The following CCND2 variants were observed in gnomAD, a reference collection of about 807,000 sequenced individuals.
CCND2 encodes cyclin D2.
A neutral mutation model predicts 30.2 loss-of-function variants in CCND2; 6 were observed. The ratio of observed to expected loss-of-function variants is 0.20; its 90% confidence interval spans 0.11 to 0.39. The LOEUF (loss-of-function observed/expected upper bound fraction) is 0.39. Among genes scored for constraint, CCND2 ranks in the 10% least tolerant of loss-of-function variants. The pLI, the probability that CCND2 is intolerant of heterozygous loss-of-function variation, is 1.00. For synonymous variants in CCND2, 150 were observed against 153.1 expected (o/e 0.98, Z 0.15); for missense variants, 235 against 373.4 (o/e 0.63, Z 3.06).
chr12:4,296,323 C>T (rs1279444259), intron 4 of CCND2, among the ~76,000 whole-genome samples: 1 of 152,214 alleles, frequency 6.6e-6, no homozygotes, highest in Non-Finnish European at 1.5e-5. Flanking sequence ...GAGAGCAAGG[C>T]AGGATCGGCC....
In CCND2 at chr12:4,274,204, T is replaced by G; in HGVS notation, c.164T>G (p.Met55Arg). 1 of 1,613,972 alleles carries G rather than the reference T, an allele frequency of 6.2e-7. No individual in the cohort carries two copies. Among genetic ancestry groups the G allele is most frequent in the Non-Finnish European group, 8.5e-7 (1 of 1,179,912 alleles). ...GTGCAGAAGGACATCCAACCCTACATGCGCAGAATGGTGGCCACCTGGATG... is the reference window on the plus strand; with the variant it reads ...GTGCAGAAGGACATCCAACCCTACAGGCGCAGAATGGTGGCCACCTGGATG... The part of the protein sequence containing the change: ...KCVQKDIQPY[M>R]RRMVATWMLE... The change falls in exon 1 of 5, where the codon ATG becomes AGG. Residue 55 changes from methionine (M) to arginine (R), a missense_variant. Coordinates refer to ENST00000261254, the MANE Select transcript of CCND2 (RefSeq NM_001759.4). The surrounding 1 kb of genome is among the most constrained non-coding windows in gnomAD (Gnocchi z 7.7).
intron 2 of CCND2, 85 bp from the exon 3 acceptor site, chr12:4,278,675 G>A (rs1863905994): frequency 6.9e-7 from 1 of 1,441,338 alleles, no homozygotes; most frequent in Non-Finnish European, 9.6e-7. Flanking sequence ...CTTAAAACTG[G>A]TCTGGAGCCC....
chr12:4,274,378 G>T lies in CCND2; in HGVS notation c.195+143G>T. 1.2e-6 allele frequency: 1 copy of T among 813,884 alleles called. No individual in the cohort carries two copies. Among genetic ancestry groups the T allele is most frequent in the East Asian group, 2.6e-5 (1 of 39,048 alleles). The allele number at this position is 813,884 out of a possible 1,614,324, so 50.4% of individuals were successfully genotyped here. On this transcript the variant is annotated intron_variant, in intron 1 of 4. Coordinates refer to ENST00000261254, the MANE Select transcript of CCND2 (RefSeq NM_001759.4). This position sits in a 1 kb window ranked among gnomAD's most constrained non-coding sequence, Gnocchi z 7.7. ...GGGAGTTTACCGCGCGCCTTCTGGC[G>T]AGACGCGTGGCTTTATTTCTGTTCC...
chr12:4,280,564 T>C (rs1320005512), intron 3 of CCND2, among the ~76,000 whole-genome samples: 1 of 152,112 alleles, frequency 6.6e-6, no homozygotes, highest in Non-Finnish European at 1.5e-5. Flanking sequence ...TTTTGGATAG[T>C]GGTCACTCTG....
In CCND2 at chr12:4,302,685, T is replaced by C. The variant is rs3217929; in HGVS notation, c.*2676T>C. 1,537 of 233,122 alleles carry C rather than the reference T, an allele frequency of 6.6e-3. 64 individuals are homozygous for C. The East Asian group carries it at 0.085, about 13-fold the overall frequency. 14.4% of individuals were successfully genotyped at this position (233,122 alleles called of 1,614,324 possible). A position where few individuals can be genotyped will look rare whatever the true frequency, so the allele number is the denominator to read the frequency against. On this transcript the variant is annotated 3_prime_UTR_variant, in exon 5 of 5. Coordinates refer to ENST00000261254, the MANE Select transcript of CCND2 (RefSeq NM_001759.4). ...TTTCAATCACACTGAATTGGCAGGA[T>C]AAGAAAAATAGGTCAGATAAGTATG...
rs141559605 is a variant in CCND2 at position 4,289,137 on chromosome 12, G to C, written c.720+147G>C. ...TCCAAGGGAGTGCAAAGTTCAGCAG[G>C]TGACACCCCCTCTTAAGGTTCTGAA... On this transcript the variant is annotated intron_variant, in intron 4 of 4. Transcript: ENST00000261254. 164 of 540,224 alleles carry C rather than the reference G, an allele frequency of 3.0e-4. 1 individual carries two copies. Among genetic ancestry groups the C allele is most frequent in the African/African-American group, 2.8e-3 (138 of 49,164 alleles). The allele number at this position is 540,224 out of a possible 1,614,324, so 33.5% of individuals were successfully genotyped here. A position where few individuals can be genotyped will look rare whatever the true frequency, so the allele number is the denominator to read the frequency against.
intron 4 of CCND2, among the ~76,000 whole-genome samples, chr12:4,289,356 C>T (rs1026309163): frequency 1.3e-5 from 2 of 152,106 alleles, no homozygotes; most frequent in African/African-American, 4.8e-5. Flanking sequence ...TCTGCTTTCA[C>T]ACGCTGAGGC....
chr12:4,295,853 A>T (rs962673999), intron 4 of CCND2, among the ~76,000 whole-genome samples: 1 of 152,230 alleles, frequency 6.6e-6, no homozygotes, highest in Non-Finnish European at 1.5e-5. Context: ...AAGAGAGAGT[A>T]TGCAGTTTTG....
intron 4 of CCND2, among the ~76,000 whole-genome samples, chr12:4,296,816 A>G (rs1371493909): frequency 6.6e-6 from 1 of 151,614 alleles, no homozygotes; most frequent in Non-Finnish European, 1.5e-5. Flanking sequence ...TCTTTGCAAG[A>G]AAAAAAACAA....
intron 4 of CCND2, among the ~76,000 whole-genome samples, chr12:4,294,995 C>T (rs948508876): frequency 2.6e-5 from 4 of 152,286 alleles, no homozygotes; most frequent in Middle Eastern, 3.4e-3. Context: ...AAGACCCGGG[C>T]GATGTGGAGT....
At chr12:4,296,657 G>T (rs537432028) in intron 4 of CCND2, among the ~76,000 whole-genome samples, 1 of 151,380 alleles carries the variant, frequency 6.6e-6, no homozygotes, top group Non-Finnish European at 1.5e-5. Context: ...TATAGTCACT[G>T]CCTCTATGGT....
rs778414240 is a variant in CCND2 at position 4,303,740 on chromosome 12, C to A, written c.*3731C>A. 6 of 233,468 alleles carry A rather than the reference C, an allele frequency of 2.6e-5. No individual in the cohort carries two copies. Among genetic ancestry groups the A allele is most frequent in the Non-Finnish European group, 5.1e-5 (6 of 118,088 alleles). 14.5% of individuals were successfully genotyped at this position (233,468 alleles called of 1,614,324 possible). On this transcript the variant is annotated 3_prime_UTR_variant, in exon 5 of 5. Coordinates refer to ENST00000261254, the MANE Select transcript of CCND2 (RefSeq NM_001759.4). The surrounding 1 kb of genome is among the most constrained non-coding windows in gnomAD (Gnocchi z 4.6). ...AGAACACCCCATGCGTGCTGAGAGG[C>A]GAGCTCCTTGAAGAAGGGGCTGTTC...
chr12:4,291,382 T>C (rs892576824), intron 4 of CCND2, among the ~76,000 whole-genome samples: 4 of 152,200 alleles, frequency 2.6e-5, no homozygotes, highest in African/African-American at 9.7e-5. Context: ...TCCTGAGCTC[T>C]GTTTACCATT....
At position 4,296,902 on chromosome 12, in the gene CCND2, G is replaced by C. The variant is rs543356807; in HGVS notation, c.721-2958G>C. Among the ~76,000 whole-genome samples the C allele has an allele frequency of 6.6e-5, 10 of 152,310 alleles. No homozygotes were observed. The South Asian group carries it at 2.1e-3, about 32-fold the overall frequency. ...ACGTTTCACTCAGTGAGTGAGCACAGGGGGTGACGGAGGATGGCTGGAATG... is the reference window on the plus strand; with the variant it reads ...ACGTTTCACTCAGTGAGTGAGCACACGGGGTGACGGAGGATGGCTGGAATG... On this transcript the variant is annotated intron_variant, in intron 4 of 4. Coordinates refer to ENST00000261254, the MANE Select transcript of CCND2 (RefSeq NM_001759.4).
rs992785824 is a variant in CCND2 at position 4,300,141 on chromosome 12, A to G, written c.*132A>G. The G allele has an allele frequency of 5.6e-6, 5 of 899,346 alleles. No individual in the cohort carries two copies. In the African/African-American group the frequency reaches 8.4e-5, roughly 15 times the overall value. The allele number at this position is 899,346 out of a possible 1,614,324, so 55.7% of individuals were successfully genotyped here. A position where few individuals can be genotyped will look rare whatever the true frequency, so the allele number is the denominator to read the frequency against. On this transcript the variant is annotated 3_prime_UTR_variant, in exon 5 of 5. Coordinates refer to ENST00000261254, the MANE Select transcript of CCND2 (RefSeq NM_001759.4). The stretch of plus-strand genomic sequence containing the variant: ...TCTGCCCCCACCTAGATCATATTTA[A>G]AGATCTTTTAGAAGTGAGAGAAAAA...
At chr12:4,278,642 G>A in intron 2 of CCND2, 118 bp from the exon 3 acceptor site, 1 of 905,216 alleles carries the variant, frequency 1.1e-6, no homozygotes, top group Non-Finnish European at 1.7e-6. Context: ...TTACAATCTA[G>A]CAGCCACGTC....
At position 4,295,871 on chromosome 12, in the gene CCND2, A is replaced by G. The variant is rs186391335; in HGVS notation, c.721-3989A>G. Among the ~76,000 whole-genome samples, 409 of 152,346 alleles carry G rather than the reference A, an allele frequency of 2.7e-3. 2 individuals carry two copies. The highest frequency in any genetic ancestry group is 9.2e-3 in the African/African-American group (381 of 41,588). On this transcript the variant is annotated intron_variant, in intron 4 of 4. Transcript: ENST00000261254. ...AGAGAGTATGCAGTTTTGTCTATCTATGAAACCTTCCTCTGTTTTATGTGG... is the reference window on the plus strand; with the variant it reads ...AGAGAGTATGCAGTTTTGTCTATCTGTGAAACCTTCCTCTGTTTTATGTGG...
chr12:4,290,501 A>C (rs190367291), intron 4 of CCND2, among the ~76,000 whole-genome samples: 1 of 152,212 alleles, frequency 6.6e-6, no homozygotes, highest in African/African-American at 2.4e-5. Flanking sequence ...CCTTACAAAT[A>C]GGACTCTCAG....
intron 4 of CCND2, chr12:4,297,743 C>A: frequency 6.2e-6 from 2 of 322,250 alleles, no homozygotes; most frequent in South Asian, 4.8e-5. Flanking sequence ...TGTGATTTAT[C>A]GTCATTCATT....
Sources: allele counts gnomAD v4.1 joint callset (sites outside exome capture counted in the v4.1 genomes callset), GRCh38; gene constraint gnomAD v4.1.1; non-coding constraint Gnocchi (gnomAD v3.1); transcripts MANE v1.5; gene names NCBI Gene and HGNC (gene_info 2026-07-23, HGNC 2026-07-21).